Variants in FRZB observed in about 807,000 individuals in gnomAD.
FRZB encodes the protein secreted frizzled-related protein 3.
FRZB carries 34 observed loss-of-function variants against 32.5 expected under a neutral mutation model. The ratio of observed to expected loss-of-function variants is 1.05; its 90% confidence interval spans 0.80 to 1.39. The LOEUF (loss-of-function observed/expected upper bound fraction) is 1.39. Among genes scored for constraint, FRZB ranks in the 40% most tolerant of loss-of-function variants. The pLI, the probability that FRZB is intolerant of heterozygous loss-of-function variation, is 0.00. For synonymous variants in FRZB, 170 were observed against 159.2 expected (o/e 1.07, Z -0.51); for missense variants, 423 against 424.8 (o/e 1.00, Z 0.04).
intron 2 of FRZB, among the ~76,000 whole-genome samples, chr2:182,853,736 T>C (rs1695734771): frequency 6.6e-6 from 1 of 152,164 alleles, no homozygotes; most frequent in African/African-American, 2.4e-5. Flanking sequence ...ATTTACAACT[T>C]AATAAAATAA....
At chr2:182,858,227 T>C (rs1238855070) in intron 2 of FRZB, among the ~76,000 whole-genome samples, 2 of 152,228 alleles carry the variant, frequency 1.3e-5, no homozygotes, top group African/African-American at 4.8e-5. Context: ...CTATTCGCGA[T>C]TGCTCCAAAC....
At position 182,834,801 on chromosome 2, in the gene FRZB, G is replaced by A. The variant is rs755094264; in HGVS notation, c.*48C>T. The A allele has an allele frequency of 3.0e-6, 4 of 1,321,932 alleles. No individual in the cohort carries two copies. The highest frequency in any genetic ancestry group is 1.5e-5 in the African/African-American group (1 of 68,438). The allele number at this position is 1,321,932 out of a possible 1,614,324, so 81.9% of individuals were successfully genotyped here. A position where few individuals can be genotyped will look rare whatever the true frequency, so the allele number is the denominator to read the frequency against. ...TTCCTTTGCTAGTCCAGCAATGCAA[G>A]TAAGTCTTAATAGGAAGTCCACTGT... is the stretch of plus-strand genomic sequence containing the variant. On this transcript the variant is annotated 3_prime_UTR_variant, in exon 6 of 6. Transcript: ENST00000295113.
chr2:182,858,398 G>A (rs954470157), intron 2 of FRZB, among the ~76,000 whole-genome samples: 8 of 152,102 alleles, frequency 5.3e-5, no homozygotes, highest in Admixed American at 1.3e-4. Flanking sequence ...ATGGACAATC[G>A]AACCTCAAAT....
chr2:182,852,013 G>GA (rs1001197155), intron 2 of FRZB, among the ~76,000 whole-genome samples: 9 of 151,658 alleles, frequency 5.9e-5, no homozygotes, highest in Non-Finnish European at 7.4e-5. Flanking sequence ...AAGTAATGGG[G>GA]AAAAAAAATC....
At position 182,866,572 on chromosome 2, in the gene FRZB, A is replaced by C; in HGVS notation, c.-20T>G. On this transcript the variant is annotated 5_prime_UTR_variant, in exon 1 of 6. Transcript: ENST00000295113. This position sits in a 1 kb window ranked among gnomAD's most constrained non-coding sequence, Gnocchi z 4.5. ...GACCATGATCCCGGCAGGATGGGGC[A>C]GGGTGCAGCCGCGCAGTGGACGCCA... 1 of 1,430,228 alleles carries C rather than the reference A, an allele frequency of 7.0e-7. No individual in the cohort carries two copies. Among genetic ancestry groups the C allele is most frequent in the Non-Finnish European group, 9.1e-7 (1 of 1,093,126 alleles). 88.6% of individuals were successfully genotyped at this position (1,430,228 alleles called of 1,614,324 possible). A position where few individuals can be genotyped will look rare whatever the true frequency, so the allele number is the denominator to read the frequency against.
intron 2 of FRZB, among the ~76,000 whole-genome samples, chr2:182,856,815 A>G (rs891638468): frequency 1.3e-5 from 2 of 152,160 alleles, no homozygotes; most frequent in African/African-American, 2.4e-5. Flanking sequence ...AAAATACATG[A>G]AGCAAAACTG....
Position 182,838,458 on chromosome 2 carries a change from C to T in FRZB, c.748G>A (p.Val250Ile), listed in dbSNP as rs1695551398. Reference sequence around the variant, plus strand: ...CCCATGATGATATATTCCTCATTAACATTAAGTGGAGGGCAGAGGCAGCCA... The same window carrying T: ...CCCATGATGATATATTCCTCATTAATATTAAGTGGAGGGCAGAGGCAGCCA... ...SSGCLCPPLN[V>I]NEEYIIMGYE... is the part of the protein sequence containing the mutation. The change falls in exon 4 of 6, where the codon GTT becomes ATT. Residue 250 changes from valine (V) to isoleucine (I), a missense_variant. By Grantham distance (29) the Val-to-Ile change is conservative. Transcript: ENST00000295113. 1 of 1,612,804 alleles carries T rather than the reference C, an allele frequency of 6.2e-7. No individual in the cohort carries two copies. The highest frequency in any genetic ancestry group is 8.5e-7 in the Non-Finnish European group (1 of 1,179,164).
At chr2:182,861,652 GT>G (rs1180741780) in intron 1 of FRZB, among the ~76,000 whole-genome samples, 1 of 152,114 alleles carries the variant, frequency 6.6e-6, no homozygotes, top group Non-Finnish European at 1.5e-5. Flanking sequence ...TAAAACTGTG[GT>G]TTTCTCTAAA....
At chr2:182,861,462 C>T (rs183861401) in intron 1 of FRZB, among the ~76,000 whole-genome samples, 71 of 152,344 alleles carry the variant, frequency 4.7e-4, no homozygotes, top group African/African-American at 1.7e-3. Flanking sequence ...GAGGATGACA[C>T]GTCCTCTCCC....
intron 2 of FRZB, among the ~76,000 whole-genome samples, chr2:182,852,138 A>T (rs1695716996): frequency 6.6e-6 from 1 of 152,214 alleles, no homozygotes; most frequent in African/African-American, 2.4e-5. Flanking sequence ...AAAGAAAAAA[A>T]CTGAACTTCT....
chr2:182,838,616 G>A lies in FRZB; in HGVS notation c.593-3C>T, dbSNP rs755285758. ...CTCTTTAACTTTAGCCCGAATGACT[G>A]GGATAAAAGACAAGAAAAGCTGATA... is the stretch of plus-strand genomic sequence containing the variant. On this transcript the variant is annotated splice_polypyrimidine_tract_variant and splice_region_variant and intron_variant, in intron 3 of 5. Transcript: ENST00000295113. 1.2e-6 allele frequency: 2 copies of A among 1,610,594 alleles called. No individual in the cohort carries two copies. The highest frequency in any genetic ancestry group is 2.2e-5 in the East Asian group (1 of 44,836).
chr2:182,850,225 G>T lies in FRZB; in HGVS notation c.527-7682C>A, dbSNP rs145290517. Among the ~76,000 whole-genome samples the T allele has an allele frequency of 5.2e-3, 789 of 152,212 alleles. 15 individuals are homozygous for T. The highest frequency in any genetic ancestry group is 0.018 in the African/African-American group (744 of 41,496). On this transcript the variant is annotated intron_variant, in intron 2 of 5. Transcript: ENST00000295113. ...CACCACATTAAACATTCCTCTTTAT[G>T]CTGTGAACATGTGAATTATTGTACA...
chr2:182,840,857 A>T lies in FRZB; in HGVS notation c.592+1621T>A, dbSNP rs530298036. ...TGTCATTCAATTTTTAACAAAAATA[A>T]CAGCAACAACCATTGAAGCACTACA... On this transcript the variant is annotated intron_variant, in intron 3 of 5. Transcript: ENST00000295113. 2.6e-5 allele frequency among the ~76,000 whole-genome samples: 4 copies of T among 152,282 alleles called. No homozygotes were observed. In the East Asian group the frequency reaches 7.7e-4, roughly 29 times the overall value.
Position 182,834,803 on chromosome 2 carries a change from A to G in FRZB, c.*46T>C. The G allele has an allele frequency of 1.5e-6, 2 of 1,329,678 alleles. No individual in the cohort carries two copies. Among genetic ancestry groups the G allele is most frequent in the Middle Eastern group, 1.8e-4 (1 of 5,508 alleles). The allele number at this position is 1,329,678 out of a possible 1,614,324, so 82.4% of individuals were successfully genotyped here. On this transcript the variant is annotated 3_prime_UTR_variant, in exon 6 of 6. Coordinates refer to ENST00000295113, the MANE Select transcript of FRZB (RefSeq NM_001463.4). ...CCTTTGCTAGTCCAGCAATGCAAGT[A>G]AGTCTTAATAGGAAGTCCACTGTGT... is the stretch of plus-strand genomic sequence containing the variant.
At chr2:182,865,297 T>C (rs1395792315) in intron 1 of FRZB, among the ~76,000 whole-genome samples, 2 of 152,206 alleles carry the variant, frequency 1.3e-5, no homozygotes, top group Non-Finnish European at 2.9e-5. Flanking sequence ...CTTTCATCTG[T>C]ATGCCACTTA....
chr2:182,848,784 C>G (rs943887100), intron 2 of FRZB, among the ~76,000 whole-genome samples: 10 of 152,096 alleles, frequency 6.6e-5, no homozygotes, highest in African/African-American at 2.4e-4. Flanking sequence ...TCAAAAATGC[C>G]ATGGTATGCC....
chr2:182,857,303 A>G (rs1181822908), intron 2 of FRZB, among the ~76,000 whole-genome samples: 1 of 152,190 alleles, frequency 6.6e-6, no homozygotes, highest in Non-Finnish European at 1.5e-5. Flanking sequence ...TTAGATGGGT[A>G]TTTATAGCAT....
intron 5 of FRZB, among the ~76,000 whole-genome samples, chr2:182,836,366 G>T (rs921317311): frequency 2.0e-5 from 3 of 152,048 alleles, no homozygotes; most frequent in Non-Finnish European, 4.4e-5. Context: ...GGCCAAAGGA[G>T]ATTTTCTACC....
intron 2 of FRZB, among the ~76,000 whole-genome samples, chr2:182,855,013 G>T (rs999202242): frequency 6.6e-6 from 1 of 152,134 alleles, no homozygotes; most frequent in Non-Finnish European, 1.5e-5. Context: ...TGCACTGTAG[G>T]ATAAAGTATT....
Sources: gnomAD v4.1 joint callset for allele counts (sites outside exome capture counted in the v4.1 genomes callset) on GRCh38, gnomAD v4.1.1 for gene constraint, Gnocchi (gnomAD v3.1) non-coding constraint, MANE v1.5 for transcripts, NCBI Gene and HGNC (gene_info 2026-07-23, HGNC 2026-07-21) for gene names.